COBL: variants seen among roughly 807,000 people sequenced by gnomAD.
COBL encodes the protein cordon-bleu WH2 repeat protein.
A neutral mutation model predicts 98.8 loss-of-function variants in COBL; 51 were observed. The ratio of observed to expected loss-of-function variants is 0.52; its 90% confidence interval spans 0.41 to 0.65. The LOEUF is 0.65. Ranked by LOEUF, COBL falls within the 30% of genes least tolerant of loss-of-function variation. The pLI is 0.00. For missense variants in COBL, 1,617 were observed against 1,617.5 expected (o/e 1.00, Z 0.01); for synonymous variants, 634 against 651.7 (o/e 0.97, Z 0.41).
intron 12 of COBL, chr7:51,018,528 CT>C (rs1786527527): frequency 6.6e-6 from 1 of 152,132 alleles, no homozygotes; most frequent in Non-Finnish European, 1.5e-5. Context: ...TTAACATCTA[CT>C]TCAAGCCTGT....
At chr7:51,274,575 C>T (rs138184951) in intron 1 of COBL, among the ~76,000 whole-genome samples, 5 of 152,344 alleles carry the variant, frequency 3.3e-5, no homozygotes, top group African/African-American at 1.2e-4. Context: ...TTCACAGATG[C>T]AGTGACTTTA....
At chr7:51,274,979 T>C (rs1232521821) in intron 1 of COBL, among the ~76,000 whole-genome samples, 1 of 152,184 alleles carries the variant, frequency 6.6e-6, no homozygotes, top group East Asian at 1.9e-4. Flanking sequence ...ACACCGATAT[T>C]AACAAATTAA....
At chr7:51,219,294 T>C (rs541500825) in intron 2 of COBL, among the ~76,000 whole-genome samples, 34 of 152,318 alleles carry the variant, frequency 2.2e-4, no homozygotes, top group African/African-American at 7.9e-4. Context: ...AGAAAGTTGA[T>C]TGCCAGTTGT....
chr7:51,183,640 T>C (rs1789207807), intron 5 of COBL, among the ~76,000 whole-genome samples: 1 of 152,254 alleles, frequency 6.6e-6, no homozygotes, highest in African/African-American at 2.4e-5. Flanking sequence ...TAAAAATTAC[T>C]AGCAAGAAGA....
At chr7:51,220,274 A>C (rs934740082) in intron 1 of COBL, among the ~76,000 whole-genome samples, 1 of 152,122 alleles carries the variant, frequency 6.6e-6, no homozygotes, top group African/African-American at 2.4e-5. Flanking sequence ...TGTCACAGGG[A>C]TGACACATCA....
At chr7:51,283,826 G>C (rs1800026017) in intron 1 of COBL, among the ~76,000 whole-genome samples, 2 of 151,906 alleles carry the variant, frequency 1.3e-5, no homozygotes, top group Admixed American at 1.3e-4. Flanking sequence ...GAAATTTTTA[G>C]ACCCAGGTGG....
intron 5 of COBL, among the ~76,000 whole-genome samples, chr7:51,146,761 G>GA (rs1453813053): frequency 6.6e-5 from 10 of 152,204 alleles, no homozygotes; most frequent in Non-Finnish European, 1.5e-4. Flanking sequence ...AGGTGGTGCA[G>GA]AGGGGGAGTC....
chr7:51,265,024 G>A (rs372243160), intron 1 of COBL, among the ~76,000 whole-genome samples: 1 of 152,098 alleles, frequency 6.6e-6, no homozygotes, highest in Non-Finnish European at 1.5e-5. Context: ...TCATGCTCAC[G>A]TTTCCAATGT....
chr7:51,131,629 T>A (rs1199978929), intron 6 of COBL, among the ~76,000 whole-genome samples: 1 of 151,806 alleles, frequency 6.6e-6, no homozygotes, highest in Admixed American at 6.6e-5. Context: ...AGTTTCACTC[T>A]TTCGCCCAGG....
rs77617100 is a variant in COBL at position 51,276,917 on chromosome 7, C to A, written c.41+39676G>T. On this transcript the variant is annotated intron_variant, in intron 1 of 12. Coordinates refer to ENST00000265136, the MANE Select transcript of COBL (RefSeq NM_015198.5). Reference sequence around the variant, plus strand: ...TCAGCTGAGGCTCATAAGATTTGACCAGCTAAGAGGTGAAATGTAGGAGAG... The same window carrying A: ...TCAGCTGAGGCTCATAAGATTTGACAAGCTAAGAGGTGAAATGTAGGAGAG... Among the ~76,000 whole-genome samples, 1,437 of 152,256 alleles carry A rather than the reference C, an allele frequency of 9.4e-3. 22 individuals carry two copies. Among genetic ancestry groups the A allele is most frequent in the African/African-American group, 0.033 (1,368 of 41,544 alleles).
intron 3 of COBL, among the ~76,000 whole-genome samples, chr7:51,191,701 T>A (rs924914947): frequency 6.6e-6 from 1 of 152,148 alleles, no homozygotes; most frequent in African/African-American, 2.4e-5. Flanking sequence ...ACCAGGCATA[T>A]ATAATAATCA....
intron 4 of COBL, among the ~76,000 whole-genome samples, chr7:51,190,389 A>C (rs1251046211): frequency 6.6e-6 from 1 of 151,824 alleles, no homozygotes; most frequent in Non-Finnish European, 1.5e-5. Flanking sequence ...TAATTTTAAA[A>C]TTTTTTTGTA....
At chr7:51,048,712 T>C (rs953245861) in intron 7 of COBL, among the ~76,000 whole-genome samples, 1 of 152,194 alleles carries the variant, frequency 6.6e-6, no homozygotes, top group African/African-American at 2.4e-5. Context: ...TCCCTCACCA[T>C]AAGCAAGTTG....
intron 6 of COBL, among the ~76,000 whole-genome samples, chr7:51,127,310 C>T (rs556912630): frequency 2.3e-4 from 35 of 152,332 alleles, no homozygotes; most frequent in Non-Finnish European, 4.3e-4. Flanking sequence ...GACGGGGCCA[C>T]TGATGTGACA....
At chr7:51,315,550 A>T (rs1268215925) in intron 1 of COBL, among the ~76,000 whole-genome samples, 1 of 151,946 alleles carries the variant, frequency 6.6e-6, no homozygotes, top group Non-Finnish European at 1.5e-5. Flanking sequence ...CCCATTCAGT[A>T]AGCAGGTGCA....
In COBL at chr7:51,100,926, AC is replaced by A. The variant is rs1235913117; in HGVS notation, c.958-15623del. ...TTCAATAAGAAACAAAAAAAAAACA[AC>A]AACAAAAAAAAACGCAGCAGCAGCT... On this transcript the variant is annotated intron_variant, in intron 6 of 12. Coordinates refer to ENST00000265136, the MANE Select transcript of COBL (RefSeq NM_015198.5). 4.2e-4 allele frequency among the ~76,000 whole-genome samples: 64 copies of A among 151,700 alleles called. No individual in the cohort carries two copies. In the East Asian group the frequency reaches 9.1e-3, roughly 22 times the overall value.
At chr7:51,027,227 T>C (rs1787664986) in intron 10 of COBL, among the ~76,000 whole-genome samples, 1 of 152,234 alleles carries the variant, frequency 6.6e-6, no homozygotes, top group African/African-American at 2.4e-5. Context: ...AATGAGATAA[T>C]ACTTGTGGTG....
chr7:51,207,632 G>T (rs1428756145), intron 2 of COBL, among the ~76,000 whole-genome samples: 1 of 152,118 alleles, frequency 6.6e-6, no homozygotes, highest in African/African-American at 2.4e-5. Context: ...GGGTTTCACT[G>T]TGTTGGCCGG....
intron 1 of COBL, among the ~76,000 whole-genome samples, chr7:51,311,083 A>G (rs762948636): frequency 1.3e-5 from 2 of 152,190 alleles, no homozygotes; most frequent in Non-Finnish European, 2.9e-5. Flanking sequence ...TATTTGTACA[A>G]AAGTATTTGT....
Sources: allele counts gnomAD v4.1 joint callset (sites outside exome capture counted in the v4.1 genomes callset), GRCh38; gene constraint gnomAD v4.1.1; transcripts MANE v1.5; gene names NCBI Gene and HGNC (gene_info 2026-07-23, HGNC 2026-07-21).